The following TRPM3 variants were observed in gnomAD, a reference collection of about 807,000 sequenced individuals.
TRPM3 encodes the protein long transient receptor potential channel 3.
A neutral mutation model predicts 181.2 loss-of-function variants in TRPM3; 77 were observed. The ratio of observed to expected loss-of-function variants is 0.42; its 90% CI spans 0.35 to 0.51. The LOEUF (loss-of-function observed/expected upper bound fraction) is 0.51, where lower values mean the gene tolerates loss of function less well. Among genes scored for constraint, TRPM3 ranks in the 20% least tolerant of loss-of-function variants. The pLI is 0.01. For synonymous variants in TRPM3, 745 were observed against 796.4 expected (o/e 0.94, Z 1.09); for missense variants, 1,759 against 2,196.7 (o/e 0.80, Z 3.98).
At chr9:70,999,606 T>C (rs1427293615) in intron 1 of TRPM3, among the ~76,000 whole-genome samples, 2 of 152,252 alleles carry the variant, frequency 1.3e-5, no homozygotes, top group African/African-American at 4.8e-5. Flanking sequence ...TTGGCTACCA[T>C]GCATAGTGTC....
intron 1 of TRPM3, among the ~76,000 whole-genome samples, chr9:71,196,033 CGGGT>C (rs2078330398): frequency 6.6e-6 from 1 of 151,802 alleles, no homozygotes; most frequent in African/African-American, 2.4e-5. Flanking sequence ...GCTTAGTACC[CGGGT>C]GACGAAATAA....
intron 1 of TRPM3, among the ~76,000 whole-genome samples, chr9:70,896,090 T>C (rs1362902531): frequency 6.6e-6 from 1 of 152,178 alleles, no homozygotes; most frequent in East Asian, 1.9e-4. Context: ...TTAAGAGTAC[T>C]TTTAGAAAAA....
intron 7 of TRPM3, among the ~76,000 whole-genome samples, chr9:70,763,190 A>G (rs1009907134): frequency 5.3e-5 from 8 of 152,072 alleles, no homozygotes; most frequent in Non-Finnish European, 1.0e-4. Flanking sequence ...CCCCACTCCT[A>G]CAAAGTGTAT....
chr9:70,999,618 T>C (rs2097577749), intron 1 of TRPM3, among the ~76,000 whole-genome samples: 1 of 152,368 alleles, frequency 6.6e-6, no homozygotes, highest in East Asian at 1.9e-4. Flanking sequence ...CATAGTGTCA[T>C]GGAGCTGGCA....
At chr9:70,691,473 G>A (rs12378618) in intron 8 of TRPM3, among the ~76,000 whole-genome samples, 32,939 of 152,086 alleles carry the variant, frequency 0.22, 3,886 homozygotes, top group South Asian at 0.28. Flanking sequence ...ATAGATTCAA[G>A]CACACTCACA....
At position 70,754,653 on chromosome 9, in the gene TRPM3, G is replaced by A. The variant is rs151037241; in HGVS notation, c.1272+6948C>T. Reference sequence around the variant, plus strand: ...TATTATGTAAGTCAGTTAAGTGCTGGGATGAGAAAGATATCACATCAACTC... The same window carrying A: ...TATTATGTAAGTCAGTTAAGTGCTGAGATGAGAAAGATATCACATCAACTC... On this transcript the variant is annotated intron_variant, in intron 8 of 25. Transcript: ENST00000677713. Among the ~76,000 whole-genome samples, 187 of 152,198 alleles carry A rather than the reference G, an allele frequency of 1.2e-3. 1 individual carries two copies. The highest frequency in any genetic ancestry group is 4.2e-3 in the African/African-American group (175 of 41,520).
chr9:71,011,303 G>T (rs1046228896), intron 1 of TRPM3, among the ~76,000 whole-genome samples: 2 of 152,038 alleles, frequency 1.3e-5, no homozygotes, highest in Non-Finnish European at 2.9e-5. Context: ...ATTTTTGAGT[G>T]TTATTACTAC....
chr9:71,168,163 G>A (rs2076628376), intron 1 of TRPM3, among the ~76,000 whole-genome samples: 1 of 152,118 alleles, frequency 6.6e-6, no homozygotes, highest in Non-Finnish European at 1.5e-5. Flanking sequence ...TGCCAAAATG[G>A]ACTAGAAGGA....
chr9:71,411,320 T>C (rs949354905), intron 1 of TRPM3, among the ~76,000 whole-genome samples: 4 of 152,224 alleles, frequency 2.6e-5, no homozygotes, highest in African/African-American at 9.6e-5. Flanking sequence ...ATAGTCCCTG[T>C]TTGCAGATGA....
intron 1 of TRPM3, among the ~76,000 whole-genome samples, chr9:71,150,561 G>A (rs11142705): frequency 0.32 from 49,025 of 151,790 alleles, 9,217 homozygotes; most frequent in Middle Eastern, 0.51. Flanking sequence ...CAATACTATC[G>A]AAACAGATCA....
chr9:70,983,896 T>C (rs760810094), intron 1 of TRPM3, among the ~76,000 whole-genome samples: 4 of 152,204 alleles, frequency 2.6e-5, no homozygotes, highest in Non-Finnish European at 5.9e-5. Context: ...TTTGACTTCC[T>C]GGACTGGTTA....
chr9:70,935,179 A>G (rs767808146), intron 1 of TRPM3, among the ~76,000 whole-genome samples: 4 of 152,100 alleles, frequency 2.6e-5, no homozygotes, highest in Admixed American at 6.6e-5. Context: ...TTCTCTGGGC[A>G]GTTGTTTTTT....
chr9:71,309,704 T>G (rs1427857882), intron 1 of TRPM3, among the ~76,000 whole-genome samples: 1 of 152,186 alleles, frequency 6.6e-6, no homozygotes, highest in East Asian at 1.9e-4. Context: ...TTATTTCCAT[T>G]TTCTTAGAAT....
At chr9:71,294,819 T>A (rs1055271763) in intron 1 of TRPM3, among the ~76,000 whole-genome samples, 1 of 152,142 alleles carries the variant, frequency 6.6e-6, no homozygotes, top group African/African-American at 2.4e-5. Context: ...TGATTCTGAG[T>A]ATGTTCATCA....
At chr9:70,754,749 T>A (rs1442934907) in intron 8 of TRPM3, among the ~76,000 whole-genome samples, 2 of 152,130 alleles carry the variant, frequency 1.3e-5, no homozygotes, top group Non-Finnish European at 2.9e-5. Context: ...CCATATAGTT[T>A]GTAAGGGGAA....
chr9:71,131,726 C>T (rs903566996), intron 1 of TRPM3, among the ~76,000 whole-genome samples: 1 of 152,126 alleles, frequency 6.6e-6, no homozygotes, highest in African/African-American at 2.4e-5. Context: ...GTTTATTCAA[C>T]TCTCAAAAAA....
intron 20 of TRPM3, among the ~76,000 whole-genome samples, chr9:70,602,393 G>A (rs1427853332): frequency 6.6e-6 from 1 of 152,174 alleles, no homozygotes; most frequent in Non-Finnish European, 1.5e-5. Flanking sequence ...ATTTGTAGGA[G>A]TCCTTTTTTC....
chr9:71,102,696 ATTAG>A (rs2068624694), intron 1 of TRPM3, among the ~76,000 whole-genome samples: 1 of 152,268 alleles, frequency 6.6e-6, no homozygotes, highest in Admixed American at 6.6e-5. Context: ...CTCAAGCAAA[ATTAG>A]TTGTTTCACA....
intron 1 of TRPM3, among the ~76,000 whole-genome samples, chr9:71,101,518 G>A (rs777169589): frequency 6.6e-5 from 10 of 152,108 alleles, no homozygotes; most frequent in Non-Finnish European, 1.0e-4. Flanking sequence ...AGGTAGGATG[G>A]GATGATTAAT....
Sources: allele counts gnomAD v4.1 joint callset (sites outside exome capture counted in the v4.1 genomes callset), GRCh38; gene constraint gnomAD v4.1.1; transcripts MANE v1.5; gene names NCBI Gene and HGNC (gene_info 2026-07-23, HGNC 2026-07-21).